ERC2: variants seen among roughly 807,000 people sequenced by gnomAD.
ERC2 encodes the protein ELKS/RAB6-interacting/CAST family member 2, also known as ERC protein 2.
Under a neutral mutation model 114.8 loss-of-function variants are expected in ERC2, and 42 were observed. The observed-to-expected ratio is 0.37, with a 90% CI of 0.29 to 0.47. ERC2 has a LOEUF of 0.47. Among genes scored for constraint, ERC2 ranks in the 20% least tolerant of loss-of-function variants. The pLI, the probability that ERC2 is intolerant of heterozygous loss-of-function variation, is 0.99. For missense variants in ERC2, 939 were observed against 1,150.7 expected (o/e 0.82, Z 2.66); for synonymous variants, 454 against 425.5 (o/e 1.07, Z -0.82).
intron 13 of ERC2, among the ~76,000 whole-genome samples, chr3:55,939,929 G>T (rs554190685): frequency 6.6e-6 from 1 of 152,158 alleles, no homozygotes; most frequent in African/African-American, 2.4e-5. Context: ...TATTATAACC[G>T]ATTGCTCTAA....
rs1441091151 is a variant in ERC2 at position 55,865,130 on chromosome 3, G to T, written c.2564+23259C>A. 2.0e-5 allele frequency among the ~76,000 whole-genome samples: 3 copies of T among 152,148 alleles called. No individual in the cohort carries two copies. In the East Asian group the frequency reaches 5.8e-4, roughly 29 times the overall value. ...GAAAAAGCCCTTTGTATATATCTAGGTTATAACATAATGACCCAATTATAT... is the reference window on the plus strand; with the variant it reads ...GAAAAAGCCCTTTGTATATATCTAGTTTATAACATAATGACCCAATTATAT... On this transcript the variant is annotated intron_variant, in intron 14 of 17. Coordinates refer to ENST00000288221, the MANE Select transcript of ERC2 (RefSeq NM_015576.3).
intron 5 of ERC2, among the ~76,000 whole-genome samples, chr3:56,143,522 C>T (rs1314175810): frequency 6.6e-6 from 1 of 152,178 alleles, no homozygotes; most frequent in Non-Finnish European, 1.5e-5. Flanking sequence ...AGTTCCCCTG[C>T]ATACACTCTC....
intron 17 of ERC2, among the ~76,000 whole-genome samples, chr3:55,643,323 C>T (rs2060263966): frequency 6.6e-6 from 1 of 152,086 alleles, no homozygotes; most frequent in Non-Finnish European, 1.5e-5. Flanking sequence ...AAATCTTATT[C>T]TGCCTTGAGG....
chr3:56,106,131 T>A (rs2078648116), intron 6 of ERC2, among the ~76,000 whole-genome samples: 1 of 152,166 alleles, frequency 6.6e-6, no homozygotes, highest in South Asian at 2.1e-4. Context: ...TCTTGATAGG[T>A]GTCTAGTTTC....
At chr3:55,615,526 C>G (rs1197861331) in intron 17 of ERC2, among the ~76,000 whole-genome samples, 1 of 152,174 alleles carries the variant, frequency 6.6e-6, no homozygotes, top group African/African-American at 2.4e-5. Context: ...AATCACCTCA[C>G]CTCCTGACTA....
intron 13 of ERC2, among the ~76,000 whole-genome samples, chr3:55,939,542 A>G (rs2066651438): frequency 6.6e-6 from 1 of 152,236 alleles, no homozygotes; most frequent in African/African-American, 2.4e-5. Context: ...TATTTTCCAG[A>G]GGCATTTGAC....
chr3:55,908,796 A>G (rs7626642), intron 13 of ERC2, among the ~76,000 whole-genome samples: 87,982 of 151,840 alleles, frequency 0.58, 26,725 homozygotes, highest in Non-Finnish European at 0.65. Context: ...GGTTCTGGGG[A>G]ATGCTGTTCT....
chr3:55,669,701 T>A (rs2061484687), intron 17 of ERC2, among the ~76,000 whole-genome samples: 1 of 152,204 alleles, frequency 6.6e-6, no homozygotes, highest in Non-Finnish European at 1.5e-5. Flanking sequence ...ATATATTTTT[T>A]ATTGGCTGGA....
At chr3:55,734,199 G>C (rs2065478738) in intron 15 of ERC2, among the ~76,000 whole-genome samples, 1 of 152,130 alleles carries the variant, frequency 6.6e-6, no homozygotes, top group African/African-American at 2.4e-5. Context: ...GGGGCAAACA[G>C]GTGATTTTTT....
chr3:55,819,943 G>T (rs1313714105), intron 14 of ERC2, among the ~76,000 whole-genome samples: 1 of 152,208 alleles, frequency 6.6e-6, no homozygotes, highest in Non-Finnish European at 1.5e-5. Context: ...GCGTGCAATG[G>T]AGGGGGGTTC....
intron 16 of ERC2, 93 bp downstream of exon 16, chr3:55,699,285 A>G: frequency 1.3e-6 from 2 of 1,483,532 alleles, no homozygotes; most frequent in South Asian, 2.3e-5. Flanking sequence ...GTATCACTTT[A>G]TGATGTTTAT....
At chr3:56,254,016 G>C (rs1000180794) in intron 3 of ERC2, among the ~76,000 whole-genome samples, 13 of 152,224 alleles carry the variant, frequency 8.5e-5, no homozygotes, top group African/African-American at 3.1e-4. Context: ...TGTTTCAATG[G>C]GATTAACAGG....
chr3:55,674,057 C>T (rs981094335), intron 17 of ERC2, among the ~76,000 whole-genome samples: 1 of 152,202 alleles, frequency 6.6e-6, no homozygotes, highest in African/African-American at 2.4e-5. Flanking sequence ...TCTTCCCAGC[C>T]TCTGCATCCA....
At chr3:55,675,816 C>A (rs568661753) in intron 17 of ERC2, among the ~76,000 whole-genome samples, 12 of 144,310 alleles carry the variant, frequency 8.3e-5, no homozygotes, top group Admixed American at 5.6e-4. Flanking sequence ...ATTAATAATT[C>A]TTTTAGAAGC....
intron 17 of ERC2, among the ~76,000 whole-genome samples, chr3:55,596,573 G>A (rs552415176): frequency 2.0e-5 from 3 of 152,278 alleles, no homozygotes; most frequent in South Asian, 4.1e-4. Flanking sequence ...GCAAGATCCT[G>A]TCTCTGAAAA....
At chr3:56,246,662 C>T (rs1416353512) in intron 3 of ERC2, among the ~76,000 whole-genome samples, 2 of 152,078 alleles carry the variant, frequency 1.3e-5, no homozygotes, top group South Asian at 2.1e-4. Flanking sequence ...GTCTTGAACC[C>T]GATTCCACTG....
At chr3:56,384,898 C>G (rs1184655813) in intron 2 of ERC2, among the ~76,000 whole-genome samples, 1 of 152,000 alleles carries the variant, frequency 6.6e-6, no homozygotes, top group Non-Finnish European at 1.5e-5. Context: ...TTTTACATGT[C>G]CCAGTATCCA....
In ERC2 at chr3:56,066,376, T is replaced by C. The variant is rs2076482516; in HGVS notation, c.1641+14441A>G. The stretch of plus-strand genomic sequence containing the variant: ...TCTTCTTTTGAGAAGTGTCTGTTCA[T>C]GTCCTTTGCCCACTTTTTGATGGGG... On this transcript the variant is annotated intron_variant, in intron 7 of 17. Coordinates refer to ENST00000288221, the MANE Select transcript of ERC2 (RefSeq NM_015576.3). Among the ~76,000 whole-genome samples, 2 of 152,244 alleles carry C rather than the reference T, an allele frequency of 1.3e-5. 1 individual carries two copies. The highest frequency in any genetic ancestry group is 2.9e-5 in the Non-Finnish European group (2 of 68,040).
intron 12 of ERC2, among the ~76,000 whole-genome samples, chr3:55,974,316 A>G (rs2069409294): frequency 6.6e-6 from 1 of 152,188 alleles, no homozygotes; most frequent in Non-Finnish European, 1.5e-5. Flanking sequence ...TGTCTTCGTT[A>G]TGTGCTGCCA....
Sources: gnomAD v4.1 joint callset for allele counts (sites outside exome capture counted in the v4.1 genomes callset) on GRCh38, gnomAD v4.1.1 for gene constraint, MANE v1.5 for transcripts, NCBI Gene and HGNC (gene_info 2026-07-23, HGNC 2026-07-21) for gene names.